The following RNF135 variants were observed in gnomAD, a reference collection of about 807,000 sequenced individuals.
RNF135 encodes the protein E3 ubiquitin-protein ligase RNF135.
In RNF135, 46 loss-of-function variants were observed where a neutral mutation model predicts 41.9. The observed-to-expected ratio is 1.10, with a 90% confidence interval of 0.87 to 1.40. The LOEUF (loss-of-function observed/expected upper bound fraction) is 1.40, where lower values mean the gene tolerates loss of function less well. Among genes scored for constraint, RNF135 ranks in the 40% most tolerant of loss-of-function variants. The pLI is 0.00. For missense variants in RNF135, 539 were observed against 549.8 expected, an observed-to-expected ratio of 0.98 and a Z score of 0.20; for synonymous variants, 238 against 223.8, an observed-to-expected ratio of 1.06 and a Z score of -0.57.
rs1407172773 is a variant in RNF135 at position 30,976,009 on chromosome 17, TTTTG to T, written c.372+4572_372+4575del. Reference sequence around the variant, plus strand: ...AAAAAATAAATACTAAAAAAATTTTTTTTGTTTGTTTTTTTGAGATGGCGTCTCG... The same window carrying T: ...AAAAAATAAATACTAAAAAAATTTTTTTTGTTTTTTTGAGATGGCGTCTCG... On this transcript the variant is annotated intron_variant, in intron 1 of 4. Coordinates refer to ENST00000328381, the MANE Select transcript of RNF135 (RefSeq NM_032322.4). The T allele has an allele frequency of 9.5e-6, 3 of 317,402 alleles. No individual in the cohort carries two copies. The East Asian group carries it at 1.9e-4, about 20-fold the overall frequency. 19.7% of individuals were successfully genotyped at this position (317,402 alleles called of 1,614,324 possible).
At chr17:30,982,609 G>A (rs1907235072) in intron 1 of RNF135, among the ~76,000 whole-genome samples, 1 of 152,118 alleles carries the variant, frequency 6.6e-6, no homozygotes, top group African/African-American at 2.4e-5. Flanking sequence ...TTATGAAGGT[G>A]CTTTTTTGTG....
At position 30,971,715 on chromosome 17, in the gene RNF135, C is replaced by T. The variant is rs543042927; in HGVS notation, c.372+270C>T. On this transcript the variant is annotated intron_variant, in intron 1 of 4. Coordinates refer to ENST00000328381, the MANE Select transcript of RNF135 (RefSeq NM_032322.4). ...TTTCAACTTCTTCCCAATCGATCTT[C>T]GGTCTCTTTCTCTGAAACTTGTAAA... is the stretch of plus-strand genomic sequence containing the variant. The T allele has an allele frequency of 6.1e-6, 8 of 1,312,410 alleles. No homozygotes were observed. The Admixed American group carries it at 1.6e-4, about 27-fold the overall frequency. The allele number at this position is 1,312,410 out of a possible 1,614,324, so 81.3% of individuals were successfully genotyped here.
At chr17:30,969,771 T>C (rs1444505588), upstream of RNF135, among the ~76,000 whole-genome samples, 7 of 145,332 alleles carry the variant, frequency 4.8e-5, no homozygotes, top group South Asian at 1.4e-3. Context: ...TTTTTTTTTT[T>C]TTTTTTTTTT....
chr17:30,972,633 A>G (rs564456403), intron 1 of RNF135: 5 of 152,366 alleles, frequency 3.3e-5, no homozygotes, highest in Admixed American at 1.3e-4. Context: ...TATAACTGGA[A>G]TCGTTCAATG....
In RNF135 at chr17:30,999,265, T is replaced by TTAAGAATACCA; in HGVS notation, c.*75_*85dup. 6.6e-7 allele frequency: 1 copy of TTAAGAATACCA among 1,510,852 alleles called. No homozygotes were observed. The highest frequency in any genetic ancestry group is 1.1e-5 in the South Asian group (1 of 88,506). 93.6% of individuals were successfully genotyped at this position (1,510,852 alleles called of 1,614,324 possible). A position where few individuals can be genotyped will look rare whatever the true frequency, so the allele number is the denominator to read the frequency against. On this transcript the variant is annotated 3_prime_UTR_variant, in exon 5 of 5. Transcript: ENST00000328381. ...TCATCAATCAGGGTAGTAACTTGAC[T>TTAAGAATACCA]TAAGAATACCACTTTTTAGAAAAAT... is the stretch of plus-strand genomic sequence containing the variant.
At chr17:30,970,759 G>A, upstream of RNF135, 1 of 466,570 alleles carries the variant, frequency 2.1e-6, no homozygotes, top group Non-Finnish European at 3.9e-6. Flanking sequence ...CAACGGTGCT[G>A]CATCTTAATG....
At chr17:30,970,708 T>C, upstream of RNF135, 1 of 297,672 alleles carries the variant, frequency 3.4e-6, no homozygotes. Flanking sequence ...TTGCATCTTT[T>C]TTGTTGTTTA....
Position 30,984,763 on chromosome 17 carries a change from A to G in RNF135, c.516+3A>G. 6.2e-7 allele frequency: 1 copy of G among 1,614,098 alleles called. No individual in the cohort carries two copies. ...ACGAACTGAGCATCCTGGGCAAGGT[A>G]GGCTCCACTGGGAGAGGAAAGGATG... On this transcript the variant is annotated splice_donor_region_variant and intron_variant, in intron 2 of 4. Coordinates refer to ENST00000328381, the MANE Select transcript of RNF135 (RefSeq NM_032322.4).
upstream of RNF135, among the ~76,000 whole-genome samples, chr17:30,969,770 T>C (rs532431848): frequency 6.2e-5 from 9 of 144,742 alleles, no homozygotes; most frequent in East Asian, 1.2e-3. Context: ...TTTTTTTTTT[T>C]TTTTTTTTTT....
upstream of RNF135, among the ~76,000 whole-genome samples, chr17:30,968,363 C>T (rs1378280964): frequency 1.5e-4 from 22 of 150,674 alleles, no homozygotes; most frequent in African/African-American, 4.6e-4. Flanking sequence ...TGACCACTCT[C>T]CCCCTTCCCC....
upstream of RNF135, among the ~76,000 whole-genome samples, chr17:30,967,214 GAGGCAGGGTTTCA>G (rs1479471755): frequency 2.0e-5 from 3 of 151,966 alleles, no homozygotes; most frequent in Non-Finnish European, 4.4e-5. Context: ...TTTTTTGGTA[GAGGCAGGGTTTCA>G]CCAGGTTGGC....
intron 3 of RNF135, among the ~76,000 whole-genome samples, chr17:30,990,797 G>A (rs1907933750): frequency 6.6e-6 from 1 of 152,028 alleles, no homozygotes; most frequent in Admixed American, 6.6e-5. Context: ...TAGTACAGTA[G>A]TTAGGACATT....
At position 30,971,249 on chromosome 17, in the gene RNF135, G is replaced by C; in HGVS notation, c.176G>C (p.Cys59Ser). The C allele has an allele frequency of 1.3e-6, 2 of 1,521,452 alleles. No homozygotes were observed. Among genetic ancestry groups the C allele is most frequent in the Non-Finnish European group, 8.8e-7 (1 of 1,139,960 alleles). The allele number at this position is 1,521,452 out of a possible 1,614,324, so 94.2% of individuals were successfully genotyped here. Residue 59 changes from cysteine (C) to serine (S), a missense_variant, in exon 1 of 5, where the codon TGC becomes TCC. Around this residue, in one of 2 missense-constraint regions of RNF135, gnomAD observed 277 missense variants for 212.8 expected, o/e 1.30. Transcript: ENST00000328381. ...GCCCGCGACGCCCGCCGCTGGGCCT[G>C]CCCCACTTGCCGCCAGGGCGCCGCG... Reference protein sequence around the residue: ...WGARDARRWACPTCRQGAAQQ... With the variant: ...WGARDARRWASPTCRQGAAQQ...
upstream of RNF135, among the ~76,000 whole-genome samples, chr17:30,966,621 G>A (rs922158847): frequency 1.3e-5 from 2 of 149,900 alleles, no homozygotes; most frequent in African/African-American, 4.9e-5. Context: ...TCAGCCTCCC[G>A]AGTAGCTGAG....
the RNF135 span, among the ~76,000 whole-genome samples, chr17:30,962,188 A>G: frequency 2.0e-5 from 3 of 150,840 alleles, no homozygotes; most frequent in East Asian, 5.8e-4. Context: ...GCTGGAGTGC[A>G]GTAGAGTGAT....
At chr17:30,995,926 T>TTG (rs56185624) in intron 3 of RNF135, among the ~76,000 whole-genome samples, 2,463 of 147,810 alleles carry the variant, frequency 0.017, 36 homozygotes, top group African/African-American at 0.037. Flanking sequence ...CTGACTAGTT[T>TTG]TGTGTGTGTG....
rs559143316 is a variant in RNF135, at chr17:30,971,197, C to T, written c.124C>T (p.Arg42Cys). 1.6e-4 allele frequency: 245 copies of T among 1,524,362 alleles called. No homozygotes were observed. Among genetic ancestry groups the T allele is most frequent in the Non-Finnish European group, 9.6e-5 (110 of 1,142,448 alleles). The allele number at this position is 1,524,362 out of a possible 1,614,324, so 94.4% of individuals were successfully genotyped here. Residue 42 changes from arginine (R) to cysteine (C), a missense_variant, in exon 1 of 5, where the codon CGC (arginine) becomes TGC (cysteine). Coordinates refer to ENST00000328381, the MANE Select transcript of RNF135 (RefSeq NM_032322.4). ...ATLPCGHSFC[R>C]HCLEALWGAR... The stretch of plus-strand genomic sequence containing the variant: ...GCTGCCCTGCGGCCACAGCTTCTGC[C>T]GCCACTGCCTGGAGGCCCTGTGGGG...
intron 1 of RNF135, chr17:30,971,862 G>A: frequency 3.2e-6 from 1 of 316,104 alleles, no homozygotes. Context: ...CGTGATCTCG[G>A]CTCACTGCAA....
chr17:30,995,488 C>T (rs1908295006), intron 3 of RNF135, among the ~76,000 whole-genome samples: 1 of 152,188 alleles, frequency 6.6e-6, no homozygotes, highest in Non-Finnish European at 1.5e-5. Context: ...CTGCCTCAGC[C>T]TCCTAACTAG....
Sources: gnomAD v4.1 joint callset for allele counts (sites outside exome capture counted in the v4.1 genomes callset) on GRCh38, gnomAD v4.1.1 for gene constraint, gnomAD v4.1.1 regional missense constraint, MANE v1.5 for transcripts, NCBI Gene and HGNC (gene_info 2026-07-23, HGNC 2026-07-21) for gene names.